MEGF10: variants seen among roughly 807,000 people sequenced by gnomAD.
MEGF10 encodes the protein multiple EGF like domains 10, also known as multiple epidermal growth factor-like domains protein 10.
Under a neutral mutation model 147.5 loss-of-function variants are expected in MEGF10, and 86 were observed. The ratio of observed to expected loss-of-function variants is 0.58; its 90% CI spans 0.49 to 0.70. The LOEUF is 0.70. Ranked by LOEUF, MEGF10 falls within the 30% of genes least tolerant of loss-of-function variation. The pLI, the probability that MEGF10 is intolerant of heterozygous loss-of-function variation, is 0.00. For synonymous variants in MEGF10, 478 were observed against 525.5 expected (o/e 0.91, Z 1.24); for missense variants, 1,329 against 1,487.3 (o/e 0.89, Z 1.75).
At position 127,417,674 on chromosome 5, in the gene MEGF10, G is replaced by A. The variant is rs780937235; in HGVS notation, c.1167G>A (p.Pro389=). 5.6e-6 allele frequency: 9 copies of A among 1,613,942 alleles called. No homozygotes were observed. Among genetic ancestry groups the A allele is most frequent in the Admixed American group, 1.7e-5 (1 of 59,998 alleles). Residue 389 remains proline, a synonymous_variant, in exon 10 of 25, where the codon CCG becomes CCA. Transcript: ENST00000503335. ...TGTCTGGAGAGTGTGCCTGCAAGCC[G>A]GGCTGGTCAGGACTCTACTGTAATG... ...HPMSGECACK[P]GWSGLYCNET...
At chr5:127,358,029 G>A (rs1762339634) in intron 4 of MEGF10, among the ~76,000 whole-genome samples, 1 of 152,192 alleles carries the variant, frequency 6.6e-6, no homozygotes, top group Non-Finnish European at 1.5e-5. Flanking sequence ...CATTCTCATA[G>A]CAAAGGTTCT....
intron 23 of MEGF10, 86 bp downstream of exon 23, chr5:127,454,696 G>C: frequency 8.3e-7 from 1 of 1,201,348 alleles, no homozygotes; most frequent in Non-Finnish European, 1.2e-6. Context: ...AAACAAGCTA[G>C]AATGGCAAGA....
rs759171324 is a variant in MEGF10 at position 127,449,164 on chromosome 5, G to A, written c.2922G>A (p.Gly974=). The A allele has an allele frequency of 1.9e-6, 3 of 1,614,038 alleles. No homozygotes were observed. In the South Asian group the frequency reaches 3.3e-5, roughly 18 times the overall value. ...NVNPGKRGPV[G]DCTGTLPADW... ...ACCCTGGGAAGAGAGGCCCTGTGGG[G>A]GACTGCACTGGGACATTGCCGGCTG... is the stretch of plus-strand genomic sequence containing the variant. Residue 974 remains glycine, a synonymous_variant, in exon 22 of 25, where the codon GGG becomes GGA. Coordinates refer to ENST00000503335, the MANE Select transcript of MEGF10 (RefSeq NM_001256545.2).
intron 7 of MEGF10, among the ~76,000 whole-genome samples, chr5:127,399,954 C>A (rs1764062747): frequency 6.6e-6 from 1 of 152,182 alleles, no homozygotes; most frequent in Non-Finnish European, 1.5e-5. Flanking sequence ...TATTTGTCAC[C>A]CCAACCTTGA....
chr5:127,404,200 A>G (rs903146832), intron 8 of MEGF10, among the ~76,000 whole-genome samples: 1 of 151,684 alleles, frequency 6.6e-6, no homozygotes, highest in African/African-American at 2.4e-5. Context: ...TTTGATTTGC[A>G]TTTCTCTGAT....
At chr5:127,391,096 GCGCGCGCACACA>G (rs1276765568) in intron 5 of MEGF10, among the ~76,000 whole-genome samples, 17 of 29,420 alleles carry the variant, frequency 5.8e-4, no homozygotes, top group African/African-American at 1.1e-3. Context: ...ATGCGCGCGC[GCGCGCGCACACA>G]CACACACACA....
intron 1 of MEGF10, among the ~76,000 whole-genome samples, chr5:127,307,730 G>C (rs1441640675): frequency 6.6e-6 from 1 of 152,176 alleles, no homozygotes; most frequent in Admixed American, 6.5e-5. Flanking sequence ...TTGGGAACAT[G>C]TATAAAAATT....
At chr5:127,417,030 G>C (rs150173302) in intron 9 of MEGF10, among the ~76,000 whole-genome samples, 66 of 152,336 alleles carry the variant, frequency 4.3e-4, no homozygotes, top group Middle Eastern at 3.4e-3. Context: ...AGATTTTCTA[G>C]TGGTGAGAAG....
At chr5:127,450,007 C>A (rs1276870091) in intron 22 of MEGF10, among the ~76,000 whole-genome samples, 2 of 151,864 alleles carry the variant, frequency 1.3e-5, no homozygotes, top group Admixed American at 6.6e-5. Context: ...TTTCCAAAAC[C>A]CTTCAAAATT....
At chr5:127,275,010 A>G in the MEGF10 span, among the ~76,000 whole-genome samples, 1 of 152,328 alleles carries the variant, frequency 6.6e-6, no homozygotes, top group East Asian at 1.9e-4. Context: ...TAACTGAAGG[A>G]AAAACCATAG....
intron 16 of MEGF10, 42 bp from the exon 17 acceptor site, chr5:127,438,397 G>C: frequency 1.9e-6 from 3 of 1,605,850 alleles, no homozygotes; most frequent in Non-Finnish European, 2.6e-6. Context: ...CTTAGTATTG[G>C]CCTCAGAACT....
At chr5:127,422,225 A>T (rs1043398019) in intron 12 of MEGF10, among the ~76,000 whole-genome samples, 1 of 152,154 alleles carries the variant, frequency 6.6e-6, no homozygotes, top group Non-Finnish European at 1.5e-5. Flanking sequence ...GAGGTGATTA[A>T]GATGCATCCC....
At chr5:127,399,549 G>A (rs1764049875) in intron 7 of MEGF10, among the ~76,000 whole-genome samples, 1 of 152,140 alleles carries the variant, frequency 6.6e-6, no homozygotes, top group Non-Finnish European at 1.5e-5. Context: ...ATTTAACAGA[G>A]CAATTGACTT....
chr5:127,321,711 A>AT (rs1307773245), intron 1 of MEGF10, among the ~76,000 whole-genome samples: 1 of 152,106 alleles, frequency 6.6e-6, no homozygotes, highest in Non-Finnish European at 1.5e-5. Context: ...GCCCGTTGTC[A>AT]TGCCAGTGAT....
chr5:127,322,965 A>T (rs1760848828), intron 1 of MEGF10, among the ~76,000 whole-genome samples: 1 of 152,032 alleles, frequency 6.6e-6, no homozygotes, highest in South Asian at 2.1e-4. Flanking sequence ...TACACATACA[A>T]TGTGTGTATA....
At position 127,369,982 on chromosome 5, in the gene MEGF10, G is replaced by A; in HGVS notation, c.392G>A (p.Gly131Glu). The change falls in exon 5 of 25, where the codon GGA becomes GAA. Residue 131 changes from glycine (G) to glutamate (E), a missense_variant. Gly to Glu is a moderately conservative substitution (Grantham distance 98, BLOSUM62 -2). This residue lies in a region of MEGF10 where 980 missense variants were observed against 1,085.9 expected (regional missense o/e 0.90). Transcript: ENST00000503335. Reference sequence around the variant, plus strand: ...ACCTGTCAGTGTGAGCCTGGCTGGGGAGGGACCAACTGCTCCAGTGGTAAG... The same window carrying A: ...ACCTGTCAGTGTGAGCCTGGCTGGGAAGGGACCAACTGCTCCAGTGGTAAG... ...PNTCQCEPGW[G>E]GTNCSSACDG... The A allele has an allele frequency of 3.1e-6, 5 of 1,613,406 alleles. No individual in the cohort carries two copies. The highest frequency in any genetic ancestry group is 3.4e-6 in the Non-Finnish European group (4 of 1,179,564).
chr5:127,279,429 G>A, the MEGF10 span, among the ~76,000 whole-genome samples: 1 of 152,080 alleles, frequency 6.6e-6, no homozygotes, highest in Non-Finnish European at 1.5e-5. Flanking sequence ...AGGAGATCCT[G>A]GAACTGAGTG....
intron 3 of MEGF10, 81 bp downstream of exon 3, chr5:127,339,302 G>T: frequency 1.0e-6 from 1 of 964,374 alleles, no homozygotes; most frequent in South Asian, 1.4e-5. Flanking sequence ...ACAGCAGAAA[G>T]TGCATCCATT....
chr5:127,360,012 G>T (rs901093160), intron 4 of MEGF10, among the ~76,000 whole-genome samples: 3 of 152,052 alleles, frequency 2.0e-5, no homozygotes, highest in Non-Finnish European at 4.4e-5. Flanking sequence ...AACTATTGGA[G>T]GAGAATCGAT....
Sources: gnomAD v4.1 joint callset for allele counts (sites outside exome capture counted in the v4.1 genomes callset) on GRCh38, gnomAD v4.1.1 for gene constraint, gnomAD v4.1.1 regional missense constraint, MANE v1.5 for transcripts, NCBI Gene and HGNC (gene_info 2026-07-23, HGNC 2026-07-21) for gene names.